SAMMSON: variants seen among roughly 807,000 people sequenced by gnomAD.
SAMMSON encodes the protein survival associated mitochondrial melanoma specific oncogenic non-coding RNA.
intron 4 of SAMMSON, among the ~76,000 whole-genome samples, chr3:70,164,614 G>A (rs912398700): frequency 6.6e-6 from 1 of 151,992 alleles, no homozygotes; most frequent in Non-Finnish European, 1.5e-5. Flanking sequence ...TATGCATAGT[G>A]TTCTGTCCGT....
chr3:70,323,350 T>G (rs1289080393), intron 7 of SAMMSON, among the ~76,000 whole-genome samples: 1 of 152,170 alleles, frequency 6.6e-6, no homozygotes, highest in Non-Finnish European at 1.5e-5. Flanking sequence ...ATTTTCTACA[T>G]TGCCAGCTCA....
intron 4 of SAMMSON, among the ~76,000 whole-genome samples, chr3:70,087,004 T>G (rs2067287791): frequency 6.6e-6 from 1 of 152,186 alleles, no homozygotes; most frequent in Admixed American, 6.6e-5. Flanking sequence ...CGCGGCTGTT[T>G]GATTGAAAAG....
chr3:70,163,793 C>T lies in SAMMSON; in HGVS notation n.508-85314C>T, dbSNP rs115032271. On this transcript the variant is annotated intron_variant and non_coding_transcript_variant, in intron 4 of 9. Transcript: ENST00000642114. ...ACGGCCTCTTAATTTTACTGAAGTT[C>T]CCAAATTGAAGTTACAGTTATTCTG... is the stretch of plus-strand genomic sequence containing the variant. 9.4e-4 allele frequency among the ~76,000 whole-genome samples: 143 copies of T among 151,984 alleles called. 1 individual carries two copies. Among genetic ancestry groups the T allele is most frequent in the African/African-American group, 3.2e-3 (133 of 41,494 alleles).
intron 7 of SAMMSON, among the ~76,000 whole-genome samples, chr3:70,326,149 T>G (rs1702579371): frequency 6.6e-6 from 1 of 152,012 alleles, no homozygotes; most frequent in African/African-American, 2.4e-5. Context: ...CTTCCCTCCC[T>G]TTCTCCTTTC....
chr3:70,287,624 G>T (rs1223994479), intron 6 of SAMMSON, among the ~76,000 whole-genome samples: 3 of 152,102 alleles, frequency 2.0e-5, no homozygotes, highest in Non-Finnish European at 4.4e-5. Flanking sequence ...AATAGTTTCA[G>T]AAGGAATGGT....
chr3:70,389,756 T>A (rs1701029148), exon 10 of SAMMSON: 1 of 152,164 alleles, frequency 6.6e-6, no homozygotes, highest in African/African-American at 2.4e-5. Context: ...CAAGTGCTGC[T>A]GACAAGTCAA....
intron 4 of SAMMSON, among the ~76,000 whole-genome samples, chr3:70,188,615 C>T (rs1000128406): frequency 2.0e-5 from 3 of 152,172 alleles, no homozygotes; most frequent in African/African-American, 7.2e-5. Flanking sequence ...AGACATCTCT[C>T]ATGTGTTACG....
chr3:70,291,013 C>G (rs903792339), intron 6 of SAMMSON, among the ~76,000 whole-genome samples: 9 of 152,216 alleles, frequency 5.9e-5, no homozygotes, highest in African/African-American at 2.2e-4. Flanking sequence ...CAGAAATCAC[C>G]GGTCTTCTGC....
chr3:70,313,971 G>A (rs1702477072), intron 7 of SAMMSON, among the ~76,000 whole-genome samples: 1 of 152,118 alleles, frequency 6.6e-6, no homozygotes, highest in South Asian at 2.1e-4. Context: ...CATTGTGGCT[G>A]TTCCTTGGAG....
At chr3:70,158,402 T>C (rs562693148) in intron 4 of SAMMSON, among the ~76,000 whole-genome samples, 13 of 152,264 alleles carry the variant, frequency 8.5e-5, no homozygotes, top group African/African-American at 3.1e-4. Context: ...CTTTTTATTG[T>C]TGAATAGTAT....
chr3:70,060,843 T>C (rs929919915), intron 3 of SAMMSON, among the ~76,000 whole-genome samples: 1 of 151,982 alleles, frequency 6.6e-6, no homozygotes, highest in African/African-American at 2.4e-5. Flanking sequence ...TATGTACATA[T>C]GAAAGGGAAT....
At chr3:70,273,263 CA>C (rs2106673766) in intron 6 of SAMMSON, among the ~76,000 whole-genome samples, 1 of 152,318 alleles carries the variant, frequency 6.6e-6, no homozygotes, top group African/African-American at 2.4e-5. Context: ...CCAGTGAGTT[CA>C]TTAAATCTTA....
chr3:70,338,234 A>C (rs1310342473), intron 7 of SAMMSON, among the ~76,000 whole-genome samples: 1 of 152,010 alleles, frequency 6.6e-6, no homozygotes, highest in Admixed American at 6.6e-5. Flanking sequence ...TCTCATAATC[A>C]TAATTAGATA....
rs781004125 is a variant in SAMMSON at position 70,101,622 on chromosome 3, TA to T, written n.507+30059del. Among the ~76,000 whole-genome samples, 436 of 152,246 alleles carry T rather than the reference TA, an allele frequency of 2.9e-3. 1 individual carries two copies. The highest frequency in any genetic ancestry group is 2.8e-3 in the Non-Finnish European group (188 of 67,992). ...TGAATTATGGTTTTACATGAGACAA[TA>T]AGCGTTATTTACACTACATGCTAAT... On this transcript the variant is annotated intron_variant and non_coding_transcript_variant, in intron 4 of 9. Coordinates refer to ENST00000642114, the Ensembl canonical transcript of SAMMSON.
At chr3:70,027,975 A>G (rs565696521) in intron 3 of SAMMSON, among the ~76,000 whole-genome samples, 9 of 152,290 alleles carry the variant, frequency 5.9e-5, no homozygotes, top group South Asian at 4.1e-4. Flanking sequence ...GCAACACACA[A>G]TTCAGCAGTA....
intron 2 of SAMMSON, among the ~76,000 whole-genome samples, chr3:70,397,739 C>G (rs1304458754): frequency 4.6e-5 from 7 of 151,948 alleles, no homozygotes; most frequent in African/African-American, 1.7e-4. Flanking sequence ...TATGTATGAT[C>G]TAATTACCTT....
chr3:70,083,831 C>T (rs150955645), intron 4 of SAMMSON, among the ~76,000 whole-genome samples: 27 of 152,212 alleles, frequency 1.8e-4, no homozygotes, highest in African/African-American at 6.5e-4. Flanking sequence ...GTATCTCCCT[C>T]TGTATATATA....
At chr3:70,372,421 G>A (rs1168384310) in intron 9 of SAMMSON, among the ~76,000 whole-genome samples, 1 of 151,814 alleles carries the variant, frequency 6.6e-6, no homozygotes. Context: ...AAGTGATTCT[G>A]CTGCCTCGGC....
At chr3:70,352,375 G>C (rs988725024) in intron 7 of SAMMSON, among the ~76,000 whole-genome samples, 3 of 152,008 alleles carry the variant, frequency 2.0e-5, no homozygotes, top group Non-Finnish European at 2.9e-5. Flanking sequence ...TTTCAATACT[G>C]AAAGAAAAGA....
Sources: gnomAD v4.1 joint callset for allele counts (sites outside exome capture counted in the v4.1 genomes callset) on GRCh38, gnomAD v4.1.1 for gene constraint, MANE v1.5 for transcripts, NCBI Gene and HGNC (gene_info 2026-07-23, HGNC 2026-07-21) for gene names.